Variants in NPL observed in about 807,000 individuals in gnomAD.
The protein encoded by NPL is N-acetylneuraminate pyruvate lyase, also known as N-acetylneuraminate lyase.
In NPL, 32 loss-of-function variants were observed where a neutral mutation model predicts 41.1. That is an observed-to-expected ratio of 0.78 (90% CI 0.59 to 1.05). The LOEUF (loss-of-function observed/expected upper bound fraction) is 1.05, where lower values mean the gene tolerates loss of function less well. NPL is among the 50% of genes least tolerant of loss of function. The pLI is 0.00. For synonymous variants in NPL, 128 were observed against 134.9 expected, an observed-to-expected ratio of 0.95 and a Z score of 0.35; for missense variants, 321 against 378.4, an observed-to-expected ratio of 0.85 and a Z score of 1.26.
At chr1:182,813,868 G>T (rs1344598243) in intron 6 of NPL, among the ~76,000 whole-genome samples, 1 of 152,136 alleles carries the variant, frequency 6.6e-6, no homozygotes, top group African/African-American at 2.4e-5. Context: ...GTAAGCAAAT[G>T]ATTTAAATAT....
intron 5 of NPL, among the ~76,000 whole-genome samples, chr1:182,808,109 C>A (rs1667074929): frequency 1.3e-5 from 2 of 152,072 alleles, no homozygotes; most frequent in Admixed American, 1.3e-4. Context: ...GGAACTCAGG[C>A]ACATCACCTA....
chr1:182,806,044 C>A, intron 4 of NPL, 101 bp from the exon 5 acceptor site: 1 of 1,373,804 alleles, frequency 7.3e-7, no homozygotes, highest in Non-Finnish European at 1.0e-6. Context: ...CCCCTCCTGA[C>A]CATCCTCAGT....
At chr1:182,807,720 C>CAA (rs753955697) in intron 5 of NPL, among the ~76,000 whole-genome samples, 33 of 55,432 alleles carry the variant, frequency 6.0e-4, no homozygotes, top group Admixed American at 1.2e-3. Flanking sequence ...ACTAAAAATA[C>CAA]AAAAAAAAAA....
In NPL at chr1:182,818,645, C is replaced by T; in HGVS notation, c.562C>T (p.Gln188Ter). 6.2e-7 allele frequency: 1 copy of T among 1,614,178 alleles called. No individual in the cohort carries two copies. Among genetic ancestry groups the T allele is most frequent in the Non-Finnish European group, 8.5e-7 (1 of 1,180,028 alleles). ...DLLDFGQCVDQNRQQQFAFLF... is the reference protein window; with the variant it reads ...DLLDFGQCVD Reference sequence around the variant, plus strand: ...CTTAGACTTCGGGCAATGTGTTGATCAGAATCGCCAGCAACAGTTTGCTTT... The same window carrying T: ...CTTAGACTTCGGGCAATGTGTTGATTAGAATCGCCAGCAACAGTTTGCTTT... Residue 188 changes from glutamine to a stop codon, truncating the protein, a stop_gained, in exon 9 of 13, where the codon CAG (glutamine) becomes TAG (stop). Transcript: ENST00000367553. LOFTEE classifies it high-confidence loss of function.
At chr1:182,791,242 T>G (rs1666508054) in intron 1 of NPL, 1 of 152,184 alleles carries the variant, frequency 6.6e-6, no homozygotes, top group African/African-American at 2.4e-5. Context: ...TGTTTTTGTT[T>G]TTAAGCTATA....
chr1:182,796,088 C>T (rs1239191266), intron 3 of NPL, among the ~76,000 whole-genome samples: 1 of 147,928 alleles, frequency 6.8e-6, no homozygotes, highest in African/African-American at 2.5e-5. Flanking sequence ...ATCTGTGGTC[C>T]TGCTGCATCC....
chr1:182,796,166 CA>C (rs11419574), intron 3 of NPL, among the ~76,000 whole-genome samples: 2,371 of 103,220 alleles, frequency 0.023, 42 homozygotes, highest in African/African-American at 0.066. Flanking sequence ...GGTGTGAAAT[CA>C]AAAAAAAAAA....
Position 182,828,026 on chromosome 1 carries a change from G to A in NPL, c.779-698G>A, listed in dbSNP as rs1013852067. ...AGATCCACCATTCACCTTTGGCTCA[G>A]GCTTGAGATTTCTTTCATGAGATCT... On this transcript the variant is annotated intron_variant, in intron 12 of 12. Transcript: ENST00000367553. The surrounding 1 kb of genome is among the most constrained non-coding windows in gnomAD (Gnocchi z 4.0). Among the ~76,000 whole-genome samples, 1 of 152,098 alleles carries A rather than the reference G, an allele frequency of 6.6e-6. No individual in the cohort carries two copies. The highest frequency in any genetic ancestry group is 1.5e-5 in the Non-Finnish European group (1 of 68,020).
chr1:182,798,749 T>C (rs1193590966), intron 3 of NPL, among the ~76,000 whole-genome samples: 1 of 152,208 alleles, frequency 6.6e-6, no homozygotes, highest in Admixed American at 6.5e-5. Context: ...AGAGTCAGAC[T>C]GGCATAGATT....
At chr1:182,803,800 T>TGTCTC in intron 4 of NPL, 29 bp downstream of exon 4, 1 of 1,451,356 alleles carries the variant, frequency 6.9e-7, no homozygotes, top group Admixed American at 1.7e-5. Flanking sequence ...TGTCGCTGCA[T>TGTCTC]GTCTCCAGCT....
chr1:182,819,926 C>T (rs1407123784), intron 10 of NPL, among the ~76,000 whole-genome samples: 1 of 152,200 alleles, frequency 6.6e-6, no homozygotes, highest in East Asian at 1.9e-4. Flanking sequence ...GATGTACAAC[C>T]AGGCCTCAGA....
chr1:182,802,590 A>C (rs756509605), intron 3 of NPL, among the ~76,000 whole-genome samples: 33 of 152,324 alleles, frequency 2.2e-4, no homozygotes, highest in Middle Eastern at 3.4e-3. Flanking sequence ...GCAGCCAGCT[A>C]GCACTCTGTG....
chr1:182,789,888 T>C (rs908448643), intron 1 of NPL, 83 bp downstream of exon 1: 1 of 152,412 alleles, frequency 6.6e-6, no homozygotes, highest in Non-Finnish European at 1.5e-5. Context: ...GGAGGGGCGC[T>C]GGGGCCTGAC....
chr1:182,796,125 C>T lies in NPL; in HGVS notation c.68+1686C>T, dbSNP rs558393340. 1.4e-4 allele frequency among the ~76,000 whole-genome samples: 19 copies of T among 136,744 alleles called. No individual in the cohort carries two copies. In the East Asian group the frequency reaches 2.8e-3, roughly 20 times the overall value. The allele number at this position is 136,744 out of a possible 152,430, so 89.7% of individuals were successfully genotyped here. Reference sequence around the variant, plus strand: ...TTTTACTATTTTCTCATCAATTCTGCGTTTTTCTTCTAGGAACCTTACTTT... The same window carrying T: ...TTTTACTATTTTCTCATCAATTCTGTGTTTTTCTTCTAGGAACCTTACTTT... On this transcript the variant is annotated intron_variant, in intron 3 of 12. Transcript: ENST00000367553.
intron 5 of NPL, among the ~76,000 whole-genome samples, chr1:182,807,353 T>A (rs1667044330): frequency 6.6e-6 from 1 of 152,042 alleles, no homozygotes; most frequent in Admixed American, 6.6e-5. Flanking sequence ...TGGAGGTAAG[T>A]TCCAAGTGAG....
chr1:182,797,056 T>G (rs1666693357), intron 3 of NPL, among the ~76,000 whole-genome samples: 1 of 141,080 alleles, frequency 7.1e-6, no homozygotes, highest in Non-Finnish European at 1.5e-5. Flanking sequence ...AAAAAAGCTC[T>G]TTCATATTCT....
Position 182,829,348 on chromosome 1 carries a change from C to A in NPL, c.*440C>A. On this transcript the variant is annotated 3_prime_UTR_variant, in exon 13 of 13. Transcript: ENST00000367553. Reference sequence around the variant, plus strand: ...CTCTGAGCTACTGCATTTAGGCAGGCACTTTAATACCAAACTGTAACATGT... The same window carrying A: ...CTCTGAGCTACTGCATTTAGGCAGGAACTTTAATACCAAACTGTAACATGT... 1 of 1,240,540 alleles carries A rather than the reference C, an allele frequency of 8.1e-7. No homozygotes were observed. The highest frequency in any genetic ancestry group is 1.0e-6 in the Non-Finnish European group (1 of 988,842). 76.8% of individuals were successfully genotyped at this position (1,240,540 alleles called of 1,614,324 possible).
At position 182,818,708 on chromosome 1, in the gene NPL, T is replaced by A. The variant is rs1667405868; in HGVS notation, c.606+19T>A. On this transcript the variant is annotated intron_variant, in intron 9 of 12. Transcript: ENST00000367553. ...GGATGAGGTAAGTCACCCCCTAGCA[T>A]GTTGCAGCAGGTCAGTTCCCTCCAA... 6.2e-7 allele frequency: 1 copy of A among 1,614,190 alleles called. No individual in the cohort carries two copies. The highest frequency in any genetic ancestry group is 8.5e-7 in the Non-Finnish European group (1 of 1,180,022).
intron 6 of NPL, 95 bp from the exon 7 acceptor site, chr1:182,814,688 A>G: frequency 9.6e-7 from 1 of 1,043,718 alleles, no homozygotes; most frequent in Non-Finnish European, 1.5e-6. Context: ...ATCAGTTAGC[A>G]AATTTGAAGA....
Sources: gnomAD v4.1 joint callset for allele counts (sites outside exome capture counted in the v4.1 genomes callset) on GRCh38, gnomAD v4.1.1 for gene constraint, Gnocchi (gnomAD v3.1) non-coding constraint, MANE v1.5 for transcripts, NCBI Gene and HGNC (gene_info 2026-07-23, HGNC 2026-07-21) for gene names.